The following UTP18 variants were observed in gnomAD, a reference collection of about 807,000 sequenced individuals.
UTP18 encodes the protein UTP18 small subunit processome component.
A neutral mutation model predicts 61.1 loss-of-function variants in UTP18; 36 were observed. That is an observed-to-expected ratio of 0.59 (90% CI 0.45 to 0.78). The LOEUF is 0.78. Ranked by LOEUF, UTP18 falls within the 30% of genes least tolerant of loss-of-function variation. The probability of loss-of-function intolerance (pLI) is 0.00; values close to 1 mark genes in which losing one functional copy is unlikely to be tolerated. For synonymous variants in UTP18, 282 were observed against 251.1 expected (o/e 1.12, Z -1.16); for missense variants, 753 against 693.9 (o/e 1.09, Z -0.96).
chr17:51,297,912 T>G lies in UTP18; in HGVS notation c.*145T>G, dbSNP rs1905412264. Reference sequence around the variant, plus strand: ...AGAGCCAGTAATGTCTTAATAAACATGTGGCAGCTTTTGTTTGAAAATAAG... The same window carrying G: ...AGAGCCAGTAATGTCTTAATAAACAGGTGGCAGCTTTTGTTTGAAAATAAG... On this transcript the variant is annotated 3_prime_UTR_variant, in exon 14 of 14. Coordinates refer to ENST00000225298, the MANE Select transcript of UTP18 (RefSeq NM_016001.3). The G allele has an allele frequency of 6.6e-6, 2 of 302,494 alleles. No individual in the cohort carries two copies. Among genetic ancestry groups the G allele is most frequent in the Non-Finnish European group, 1.3e-5 (2 of 159,786 alleles). 18.7% of individuals were successfully genotyped at this position (302,494 alleles called of 1,614,324 possible).
chr17:51,285,663 A>T (rs1905082290), intron 10 of UTP18, among the ~76,000 whole-genome samples: 1 of 152,230 alleles, frequency 6.6e-6, no homozygotes, highest in Non-Finnish European at 1.5e-5. Flanking sequence ...GACCACATTC[A>T]CGTAACTTTT....
chr17:51,272,280 G>A (rs1258307918), intron 4 of UTP18, among the ~76,000 whole-genome samples: 2 of 151,986 alleles, frequency 1.3e-5, no homozygotes, highest in Non-Finnish European at 2.9e-5. Flanking sequence ...TGTATTTTTA[G>A]TAGAGACGGG....
chr17:51,293,847 T>C (rs1290005398), intron 11 of UTP18, 56 bp from the exon 12 acceptor site: 4 of 1,385,762 alleles, frequency 2.9e-6, no homozygotes, highest in Non-Finnish European at 3.8e-6. Context: ...GATTACAATT[T>C]AAGAAACATG....
chr17:51,288,707 G>A, intron 11 of UTP18: 1 of 434,118 alleles, frequency 2.3e-6, no homozygotes. Flanking sequence ...CAGGTTTGGT[G>A]GCTAACGAGA....
chr17:51,264,687 C>CTTT (rs780120792), intron 2 of UTP18, among the ~76,000 whole-genome samples: 8 of 139,472 alleles, frequency 5.7e-5, no homozygotes, highest in Non-Finnish European at 1.3e-4. Flanking sequence ...TAGTCATTGT[C>CTTT]TTCTTTTTTT....
intron 3 of UTP18, among the ~76,000 whole-genome samples, chr17:51,267,175 A>G (rs191567313): frequency 7.2e-5 from 11 of 152,278 alleles, no homozygotes; most frequent in Admixed American, 7.2e-4. Context: ...CATGTCGCCC[A>G]GGCTGGTCTT....
intron 4 of UTP18, 51 bp from the exon 5 acceptor site, chr17:51,273,311 G>A (rs375134330): frequency 7.1e-7 from 1 of 1,413,808 alleles, no homozygotes; most frequent in East Asian, 2.5e-5. Flanking sequence ...GTAGGTAAAA[G>A]GGGCAGCTCA....
At chr17:51,262,844 G>A (rs2055520899) in intron 1 of UTP18, among the ~76,000 whole-genome samples, 2 of 152,110 alleles carry the variant, frequency 1.3e-5, no homozygotes, top group Non-Finnish European at 2.9e-5. Flanking sequence ...GAGGCATTGC[G>A]CTCTCTGCTG....
At chr17:51,281,933 C>T (rs187401830) in intron 9 of UTP18, among the ~76,000 whole-genome samples, 35 of 152,322 alleles carry the variant, frequency 2.3e-4, no homozygotes, top group African/African-American at 8.4e-4. Context: ...TAGCAATACT[C>T]TCTTGACTTT....
At chr17:51,279,973 A>ACTTTATTTAATTG (rs1904857477) in intron 7 of UTP18, 32 bp from the exon 8 acceptor site, 19 of 1,539,368 alleles carry the variant, frequency 1.2e-5, no homozygotes, top group Non-Finnish European at 1.7e-5. Context: ...ACTATATAAA[A>ACTTTATTTAATTG]CTTTATTTAA....
chr17:51,277,102 A>G, intron 6 of UTP18, 28 bp from the exon 7 acceptor site: 5 of 1,605,472 alleles, frequency 3.1e-6, no homozygotes, highest in Non-Finnish European at 4.3e-6. Flanking sequence ...GGAAATAATC[A>G]AAAGAACCAT....
At chr17:51,263,654 C>T (rs2055530832) in intron 2 of UTP18, among the ~76,000 whole-genome samples, 1 of 152,160 alleles carries the variant, frequency 6.6e-6, no homozygotes, top group African/African-American at 2.4e-5. Context: ...CGATTTGCCT[C>T]CTCTTTTGGC....
intron 4 of UTP18, among the ~76,000 whole-genome samples, 195 bp from the exon 5 acceptor site, chr17:51,273,164 ATCT>A: frequency 6.7e-6 from 1 of 148,496 alleles, no homozygotes; most frequent in Non-Finnish European, 1.5e-5. Context: ...GCTTTGTGTC[ATCT>A]TTTTCTTCTC....
At chr17:51,290,307 T>A (rs1433983318) in intron 11 of UTP18, among the ~76,000 whole-genome samples, 2 of 152,056 alleles carry the variant, frequency 1.3e-5, no homozygotes, top group Non-Finnish European at 2.9e-5. Context: ...TCCCAGCTAC[T>A]CAGGAGGCTG....
At chr17:51,276,762 A>C (rs534492378) in intron 6 of UTP18, among the ~76,000 whole-genome samples, 46 of 152,314 alleles carry the variant, frequency 3.0e-4, no homozygotes, top group African/African-American at 9.9e-4. Flanking sequence ...CACTTGGTCC[A>C]GTTCATGTAG....
chr17:51,285,153 T>A, intron 9 of UTP18, 92 bp from the exon 10 acceptor site: 2 of 1,415,506 alleles, frequency 1.4e-6, no homozygotes, highest in Admixed American at 3.5e-5. Context: ...TGTAGTCTCC[T>A]GTACTGTTAA....
intron 1 of UTP18, among the ~76,000 whole-genome samples, 162 bp downstream of exon 1, chr17:51,261,088 C>T (rs1045088074): frequency 2.0e-5 from 3 of 152,224 alleles, no homozygotes; most frequent in Non-Finnish European, 4.4e-5. Context: ...CTGCGGGTCC[C>T]TCGCCTCCCT....
At chr17:51,285,455 G>A (rs1905074660) in intron 10 of UTP18, 87 bp downstream of exon 10, 6 of 1,470,904 alleles carry the variant, frequency 4.1e-6, no homozygotes, top group South Asian at 1.4e-5. Flanking sequence ...TGGTGCATGA[G>A]TAGTTCTCTT....
At chr17:51,296,867 TC>T in intron 12 of UTP18, 97 bp from the exon 13 acceptor site, 1 of 1,126,032 alleles carries the variant, frequency 8.9e-7, no homozygotes, top group Non-Finnish European at 1.3e-6. Flanking sequence ...TACATATTTT[TC>T]CCACTAAAAT....
Sources: gnomAD v4.1 joint callset for allele counts (sites outside exome capture counted in the v4.1 genomes callset) on GRCh38, gnomAD v4.1.1 for gene constraint, MANE v1.5 for transcripts, NCBI Gene and HGNC (gene_info 2026-07-23, HGNC 2026-07-21) for gene names.